NRG1: variants seen among roughly 807,000 people sequenced by gnomAD.
NRG1 encodes neuregulin 1.
In NRG1, 18 loss-of-function variants were observed where a neutral mutation model predicts 63.8. The observed-to-expected ratio is 0.28, with a 90% CI of 0.19 to 0.42. NRG1 has a LOEUF of 0.42. NRG1 is among the 10% of genes least tolerant of loss of function. NRG1 has a pLI of 1.00. For missense variants in NRG1, 762 were observed against 814.7 expected (o/e 0.94, Z 0.79); for synonymous variants, 302 against 301.3 (o/e 1.00, Z -0.02).
At chr8:31,927,454 T>C (rs1026679905) in intron 1 of NRG1, among the ~76,000 whole-genome samples, 2 of 132,944 alleles carry the variant, frequency 1.5e-5, no homozygotes, top group East Asian at 4.3e-4. Context: ...TTTTTTTTTT[T>C]TTTTTTTTTT....
intron 1 of NRG1, among the ~76,000 whole-genome samples, chr8:32,353,943 T>C (rs1363506264): frequency 2.6e-5 from 4 of 152,192 alleles, no homozygotes; most frequent in Non-Finnish European, 5.9e-5. Context: ...GGTGAGCGGA[T>C]AAACAAATTG....
intron 1 of NRG1, among the ~76,000 whole-genome samples, chr8:32,401,325 TAAAAATA>T: frequency 6.6e-6 from 1 of 152,186 alleles, no homozygotes; most frequent in East Asian, 1.9e-4. Flanking sequence ...CATAAAAATT[TAAAAATA>T]AAAAATAAAA....
chr8:32,287,312 A>C (rs1586633867), intron 1 of NRG1: 1 of 152,350 alleles, frequency 6.6e-6, no homozygotes, highest in East Asian at 1.9e-4. Flanking sequence ...AGAGGAGGGA[A>C]ATGGATTCCA....
chr8:31,809,404 G>A (rs199551659), intron 1 of NRG1, among the ~76,000 whole-genome samples: 10 of 140,152 alleles, frequency 7.1e-5, no homozygotes, highest in Admixed American at 1.4e-4. Context: ...GTGTGTGTGT[G>A]TATATATATA....
At chr8:32,544,391 T>C (rs890022722), upstream of NRG1, among the ~76,000 whole-genome samples, 1 of 152,052 alleles carries the variant, frequency 6.6e-6, no homozygotes, top group East Asian at 1.9e-4. Context: ...CATATTTAAT[T>C]TGTTTTTATG....
intron 1 of NRG1, among the ~76,000 whole-genome samples, chr8:32,017,672 C>T (rs996678069): frequency 2.0e-5 from 3 of 152,306 alleles, no homozygotes; most frequent in Admixed American, 1.3e-4. Context: ...CAGAAAAAGA[C>T]GTGACTCAGT....
chr8:32,507,189 T>C (rs893748125), intron 1 of NRG1, among the ~76,000 whole-genome samples: 1 of 152,180 alleles, frequency 6.6e-6, no homozygotes, highest in Non-Finnish European at 1.5e-5. Flanking sequence ...AGCATGCCTC[T>C]TACTAAATAG....
At position 32,745,674 on chromosome 8, in the gene NRG1, G is replaced by GT. The variant is rs879796063; in HGVS notation, c.691+2941_691+2942insT. On this transcript the variant is annotated intron_variant, in intron 7 of 11. Coordinates refer to ENST00000356819, the Ensembl canonical transcript of NRG1. ...TGTTCATCGATATGTGGTGTGTGGG[G>GT]GGTGTGTGTGTGTTCGTGTGTGTGT... 3.2e-3 allele frequency among the ~76,000 whole-genome samples: 456 copies of GT among 140,562 alleles called. 2 individuals are homozygous for GT. Among genetic ancestry groups the GT allele is most frequent in the Middle Eastern group, 0.011 (3 of 276 alleles). The allele number at this position is 140,562 out of a possible 152,430, so 92.2% of individuals were successfully genotyped here. A position where few individuals can be genotyped will look rare whatever the true frequency, so the allele number is the denominator to read the frequency against.
chr8:31,927,797 A>C (rs1160210149), intron 1 of NRG1, among the ~76,000 whole-genome samples: 1 of 150,978 alleles, frequency 6.6e-6, no homozygotes, highest in African/African-American at 2.4e-5. Context: ...CCTCCTTTTC[A>C]ACCAAAGTTG....
At chr8:32,763,773 G>T (rs778211430) in exon 12 of NRG1, 1 of 1,563,218 alleles carries the variant, frequency 6.4e-7, no homozygotes, top group Non-Finnish European at 8.7e-7. Context: ...GACCACCCCG[G>T]CTCGTATGTC....
In NRG1 at chr8:32,008,536, G is replaced by T. The variant is rs116060726; in HGVS notation, c.37+369105G>T. Reference sequence around the variant, plus strand: ...TATTAAATATTTTCTTGAGTAGAATGTATAGTACATATTTTATACTAATAT... The same window carrying T: ...TATTAAATATTTTCTTGAGTAGAATTTATAGTACATATTTTATACTAATAT... On this transcript the variant is annotated intron_variant, in intron 1 of 10. Transcript: ENST00000519301. 9.3e-3 allele frequency among the ~76,000 whole-genome samples: 1,420 copies of T among 152,134 alleles called. 19 individuals carry two copies. Among genetic ancestry groups the T allele is most frequent in the African/African-American group, 0.03 (1,237 of 41,548 alleles).
At chr8:32,421,026 G>A (rs542874906) in intron 1 of NRG1, among the ~76,000 whole-genome samples, 1 of 152,266 alleles carries the variant, frequency 6.6e-6, no homozygotes, top group East Asian at 1.9e-4. Context: ...ATGATTGCAA[G>A]TTTCCTAAGG....
At chr8:32,150,864 A>C (rs376111594) in intron 1 of NRG1, among the ~76,000 whole-genome samples, 1 of 152,206 alleles carries the variant, frequency 6.6e-6, no homozygotes, top group African/African-American at 2.4e-5. Context: ...AAACTGTTTC[A>C]TTGTGGTCAA....
intron 1 of NRG1, among the ~76,000 whole-genome samples, chr8:32,324,541 G>A (rs1195812296): frequency 1.2e-4 from 18 of 152,166 alleles, no homozygotes; most frequent in Admixed American, 3.9e-4. Flanking sequence ...GAAACAAGCT[G>A]AGATGTGGAT....
intron 1 of NRG1, among the ~76,000 whole-genome samples, chr8:32,103,720 G>A (rs1195053465): frequency 1.3e-5 from 2 of 152,154 alleles, no homozygotes; most frequent in Admixed American, 1.3e-4. Context: ...GCAGCTTGAT[G>A]CAATGCAGTG....
intron 5 of NRG1, among the ~76,000 whole-genome samples, chr8:32,702,085 A>G (rs1249034844): frequency 1.3e-5 from 2 of 152,208 alleles, no homozygotes; most frequent in African/African-American, 4.8e-5. Context: ...AAATATCAAA[A>G]ATGGAAAATC....
rs189872552 is a variant in NRG1 at position 32,212,355 on chromosome 8, C to T, written c.38-383473C>T. Among the ~76,000 whole-genome samples, 261 of 152,178 alleles carry T rather than the reference C, an allele frequency of 1.7e-3. 3 individuals carry two copies. The highest frequency in any genetic ancestry group is 2.5e-4 in the Non-Finnish European group (17 of 67,976). ...TAAATTTTTGCAACTCCATGTATAC[C>T]TGGGATCTGTTTCTGGTTTGTTCAT... On this transcript the variant is annotated intron_variant, in intron 1 of 10. Coordinates refer to the NRG1 transcript ENST00000519301.
In NRG1 at chr8:31,711,983, A is replaced by G. The variant is rs1225054731; in HGVS notation, c.37+72552A>G. On this transcript the variant is annotated intron_variant, in intron 1 of 10. Transcript: ENST00000519301. ...CACCTTGGAAGTTAGGGTTTAACAT[A>G]GGAATTTTAGAGGGACATAAATAGC... Among the ~76,000 whole-genome samples the G allele has an allele frequency of 4.6e-5, 7 of 152,266 alleles. No individual in the cohort carries two copies. The South Asian group carries it at 6.2e-4, about 13-fold the overall frequency.
intron 1 of NRG1, among the ~76,000 whole-genome samples, chr8:31,824,840 T>G (rs971821868): frequency 6.6e-6 from 1 of 152,190 alleles, no homozygotes; most frequent in East Asian, 1.9e-4. Context: ...ATGTGAACAT[T>G]AGGAAGATTG....
Sources: allele counts gnomAD v4.1 joint callset (sites outside exome capture counted in the v4.1 genomes callset), GRCh38; gene constraint gnomAD v4.1.1; transcripts MANE v1.5; gene names NCBI Gene and HGNC (gene_info 2026-07-23, HGNC 2026-07-21).